The following CDK6 variants were observed in gnomAD, a reference collection of about 807,000 sequenced individuals.
The protein encoded by CDK6 is cyclin-dependent kinase 6.
CDK6 carries 6 observed loss-of-function variants against 37.1 expected under a neutral mutation model. That is an observed-to-expected ratio of 0.16 (90% CI 0.09 to 0.32). CDK6 has a LOEUF of 0.32. Among genes scored for constraint, CDK6 ranks in the 10% least tolerant of loss-of-function variants. The pLI is 1.00. For missense variants in CDK6, 224 were observed against 418.9 expected (o/e 0.53, Z 4.06); for synonymous variants, 160 against 161.3 (o/e 0.99, Z 0.06).
intron 4 of CDK6, among the ~76,000 whole-genome samples, chr7:92,703,163 C>A (rs1330755372): frequency 6.6e-6 from 1 of 152,054 alleles, no homozygotes; most frequent in Non-Finnish European, 1.5e-5. Context: ...TCCATTGCCA[C>A]CTGACACGAG....
At chr7:92,816,520 T>C (rs1801033624) in intron 2 of CDK6, among the ~76,000 whole-genome samples, 1 of 152,084 alleles carries the variant, frequency 6.6e-6, no homozygotes, top group Non-Finnish European at 1.5e-5. Context: ...CCTTACATGT[T>C]TGGAAATTTA....
At chr7:92,762,269 CCTT>C (rs753741506) in intron 3 of CDK6, among the ~76,000 whole-genome samples, 12 of 152,066 alleles carry the variant, frequency 7.9e-5, no homozygotes, top group African/African-American at 1.7e-4. Flanking sequence ...ATAAATCTCT[CCTT>C]CTTTTTTGTG....
At chr7:92,717,090 TA>T (rs1798245054) in intron 4 of CDK6, among the ~76,000 whole-genome samples, 1 of 152,006 alleles carries the variant, frequency 6.6e-6, no homozygotes, top group African/African-American at 2.4e-5. Context: ...CTCATGTCTG[TA>T]ATCTCAGCAC....
intron 5 of CDK6, among the ~76,000 whole-genome samples, chr7:92,665,089 GT>G (rs1440455513): frequency 6.6e-6 from 1 of 152,076 alleles, no homozygotes; most frequent in Admixed American, 6.5e-5. Flanking sequence ...CTGGCCGCAT[GT>G]TTTATTTTCT....
chr7:92,748,171 T>C (rs1380665050), intron 3 of CDK6, among the ~76,000 whole-genome samples: 1 of 152,228 alleles, frequency 6.6e-6, no homozygotes, highest in Non-Finnish European at 1.5e-5. Context: ...GGTTACAGAA[T>C]ATGGCTTTCC....
At chr7:92,618,000 C>T (rs2116483294) in intron 7 of CDK6, 72 bp downstream of exon 7, 6 of 1,516,156 alleles carry the variant, frequency 4.0e-6, no homozygotes, top group South Asian at 1.2e-5. Flanking sequence ...TATTTGTGCC[C>T]ACCACCCAGT....
intron 2 of CDK6, among the ~76,000 whole-genome samples, chr7:92,803,078 G>A (rs17147373): frequency 0.021 from 3,227 of 152,226 alleles, 127 homozygotes; most frequent in South Asian, 0.17. Flanking sequence ...ATCTTTTCAA[G>A]TACTTCTTGT....
At chr7:92,788,828 TG>T (rs1438019106) in intron 2 of CDK6, among the ~76,000 whole-genome samples, 1 of 152,114 alleles carries the variant, frequency 6.6e-6, no homozygotes, top group African/African-American at 2.4e-5. Flanking sequence ...TTGGAAGTGC[TG>T]GAAGCAGCCA....
At chr7:92,803,344 A>C (rs986469449) in intron 2 of CDK6, among the ~76,000 whole-genome samples, 1 of 152,242 alleles carries the variant, frequency 6.6e-6, no homozygotes, top group Non-Finnish European at 1.5e-5. Context: ...AAACCAGGTG[A>C]TATAAACTTC....
intron 2 of CDK6, among the ~76,000 whole-genome samples, chr7:92,777,748 GTTT>G (rs1343458721): frequency 6.6e-6 from 1 of 152,164 alleles, no homozygotes; most frequent in African/African-American, 2.4e-5. Context: ...ATTTAAAGTA[GTTT>G]TTTCTAATTC....
intron 5 of CDK6, among the ~76,000 whole-genome samples, chr7:92,651,455 A>AC (rs1400990814): frequency 6.6e-6 from 1 of 152,178 alleles, no homozygotes; most frequent in Non-Finnish European, 1.5e-5. Context: ...AACAACAACA[A>AC]CAAAACCAAA....
chr7:92,634,368 T>C (rs1025491162), intron 5 of CDK6, among the ~76,000 whole-genome samples: 1 of 152,192 alleles, frequency 6.6e-6, no homozygotes, highest in Non-Finnish European at 1.5e-5. Flanking sequence ...TCTCATTCTC[T>C]ATTCTGTTCC....
chr7:92,777,498 G>A (rs1217256060), intron 2 of CDK6, among the ~76,000 whole-genome samples: 8 of 152,174 alleles, frequency 5.3e-5, no homozygotes, highest in African/African-American at 1.7e-4. Flanking sequence ...TGCCCACCTC[G>A]GCCTCCTGAA....
chr7:92,647,364 A>G (rs755687216), intron 5 of CDK6, among the ~76,000 whole-genome samples: 4 of 152,216 alleles, frequency 2.6e-5, no homozygotes, highest in Non-Finnish European at 4.4e-5. Flanking sequence ...CTGGGTCAGG[A>G]AAGGTTTCTT....
chr7:92,655,617 A>T (rs956527607), intron 5 of CDK6, among the ~76,000 whole-genome samples: 2 of 152,212 alleles, frequency 1.3e-5, no homozygotes, highest in African/African-American at 4.8e-5. Flanking sequence ...CACATTTGGC[A>T]CGCTCTTGTT....
intron 2 of CDK6, among the ~76,000 whole-genome samples, chr7:92,778,635 T>C (rs1003197389): frequency 2.0e-5 from 3 of 152,196 alleles, no homozygotes; most frequent in African/African-American, 4.8e-5. Flanking sequence ...TTTCTTCCTA[T>C]TGAAAAAGAA....
chr7:92,730,634 T>A (rs1251758136), intron 3 of CDK6, among the ~76,000 whole-genome samples: 1 of 152,210 alleles, frequency 6.6e-6, no homozygotes, highest in Non-Finnish European at 1.5e-5. Context: ...TCACACTGGA[T>A]TTGTCTTTTT....
chr7:92,782,553 T>A (rs1014644032), intron 2 of CDK6, among the ~76,000 whole-genome samples: 3 of 152,162 alleles, frequency 2.0e-5, no homozygotes, highest in Non-Finnish European at 4.4e-5. Flanking sequence ...AACTCTACAC[T>A]GGGATTATGA....
intron 6 of CDK6, among the ~76,000 whole-genome samples, chr7:92,620,034 T>G (rs1304058414): frequency 3.9e-5 from 6 of 152,200 alleles, no homozygotes; most frequent in African/African-American, 1.4e-4. Context: ...TTGTCAGGTC[T>G]ATGTGTATCA....
Sources: allele counts gnomAD v4.1 joint callset (sites outside exome capture counted in the v4.1 genomes callset), GRCh38; gene constraint gnomAD v4.1.1; transcripts MANE v1.5; gene names NCBI Gene and HGNC (gene_info 2026-07-23, HGNC 2026-07-21).